Variants in UTY observed in about 807,000 individuals in gnomAD.
The protein encoded by UTY is histone demethylase UTY.
UTY carries 12 observed loss-of-function variants against 32.5 expected under a neutral mutation model. The ratio of observed to expected loss-of-function variants is 0.37; its 90% CI spans 0.24 to 0.60. UTY has a LOEUF of 0.60. UTY is among the 20% of genes least tolerant of loss of function. UTY has a pLI of 0.69. For synonymous variants in UTY, 131 were observed against 103.4 expected, an observed-to-expected ratio of 1.27 and a Z score of -1.62; for missense variants, 303 against 299.2, an observed-to-expected ratio of 1.01 and a Z score of -0.09.
chrY:13,331,256 G>A, intron 18 of UTY, among the ~76,000 whole-genome samples: 1 of 33,796 alleles, frequency 3.0e-5, no homozygotes, highest in East Asian at 7.8e-4. Context: ...CTGGGATCAA[G>A]CCAGTGCCCC....
intron 4 of UTY, among the ~76,000 whole-genome samples, chrY:13,445,244 A>AATAT (rs60043171): frequency 1.9e-3 from 10 of 5,232 alleles, no homozygotes; most frequent in South Asian, 5.6e-3. Flanking sequence ...TTTTTAAAAT[A>AATAT]ATATATATAT....
intron 28 of UTY, among the ~76,000 whole-genome samples, chrY:13,254,950 C>T (rs2054577206): frequency 3.0e-5 from 1 of 33,078 alleles, no homozygotes; most frequent in Non-Finnish European, 7.4e-5. Context: ...TACTGATAAA[C>T]GTCCTACCTG....
At chrY:13,363,153 C>T in intron 10 of UTY, among the ~76,000 whole-genome samples, 6 of 32,514 alleles carry the variant, frequency 1.8e-4, no homozygotes. Context: ...CCACCCGCCT[C>T]GGCCTCCCTA....
intron 27 of UTY, among the ~76,000 whole-genome samples, chrY:13,275,389 A>G (rs2056609545): frequency 3.0e-5 from 1 of 33,844 alleles, no homozygotes; most frequent in Non-Finnish European, 7.3e-5. Flanking sequence ...TCATCACCTT[A>G]TCAACAACTA....
intron 27 of UTY, among the ~76,000 whole-genome samples, chrY:13,263,936 C>A (rs1603267013): frequency 3.0e-5 from 1 of 33,435 alleles, no homozygotes; most frequent in Non-Finnish European, 7.4e-5. Flanking sequence ...CCTAACCCCC[C>A]ACTCCCGACA....
intron 17 of UTY, among the ~76,000 whole-genome samples, chrY:13,342,894 G>C (rs770260392): frequency 3.6e-4 from 12 of 33,723 alleles, no homozygotes; most frequent in Admixed American, 2.9e-3. Flanking sequence ...CGCTAGACAA[G>C]TGTGGAAGTT....
intron 27 of UTY, among the ~76,000 whole-genome samples, chrY:13,274,545 T>C (rs2056547312): frequency 3.1e-5 from 1 of 32,032 alleles, no homozygotes; most frequent in African/African-American, 1.2e-4. Flanking sequence ...TTTGGGAGGC[T>C]GAGGTGGGCA....
intron 21 of UTY, chrY:13,323,296 T>C: frequency 1.1e-5 from 1 of 91,941 alleles, no homozygotes; most frequent in South Asian, 6.8e-5. Flanking sequence ...TTCGGGAGGC[T>C]GAGGTGGGAG....
chrY:13,355,782 G>A, intron 16 of UTY, 141 bp downstream of exon 16: 1 of 261,282 alleles, frequency 3.8e-6, no homozygotes, highest in Non-Finnish European at 5.5e-6. Flanking sequence ...TAACACATAT[G>A]TAAAACTCAG....
chrY:13,417,827 G>T, intron 4 of UTY, among the ~76,000 whole-genome samples: 1 of 33,471 alleles, frequency 3.0e-5, no homozygotes, highest in Non-Finnish European at 7.4e-5. Context: ...TTAAATTTTA[G>T]ATTTTTGAGT....
intron 9 of UTY, among the ~76,000 whole-genome samples, chrY:13,367,250 T>G: frequency 6.0e-5 from 2 of 33,528 alleles, no homozygotes; most frequent in Non-Finnish European, 1.5e-4. Context: ...AAAGGCCTCA[T>G]ACATTACTGA....
At chrY:13,442,885 G>C (rs2075338244) in intron 4 of UTY, among the ~76,000 whole-genome samples, 1 of 33,265 alleles carries the variant, frequency 3.0e-5, no homozygotes, top group Non-Finnish European at 7.4e-5. Context: ...CCACAGGGAG[G>C]ACAGCAAAGG....
chrY:13,422,953 T>C (rs2072778252), intron 4 of UTY, among the ~76,000 whole-genome samples: 1 of 33,541 alleles, frequency 3.0e-5, no homozygotes, highest in Non-Finnish European at 7.4e-5. Flanking sequence ...AATATGCACA[T>C]AGAGAGCAGT....
intron 15 of UTY, among the ~76,000 whole-genome samples, chrY:13,356,370 C>T (rs2062923544): frequency 3.3e-5 from 1 of 30,601 alleles, no homozygotes; most frequent in African/African-American, 1.3e-4. Flanking sequence ...TTAGCCAGGA[C>T]GCTCTCGATC....
chrY:13,413,930 G>A (rs757329931), intron 5 of UTY, among the ~76,000 whole-genome samples: 1 of 34,650 alleles, frequency 2.9e-5, no homozygotes, highest in East Asian at 7.7e-4. Context: ...CCAGCCATCA[G>A]GAACCAAACT....
chrY:13,473,218 C>T (rs2078677197), intron 2 of UTY, among the ~76,000 whole-genome samples: 1 of 32,314 alleles, frequency 3.1e-5, no homozygotes, highest in South Asian at 7.1e-4. Flanking sequence ...GCAAGAGAAT[C>T]GCTTGAACTT....
chrY:13,269,852 T>C (rs2056176610), intron 27 of UTY, among the ~76,000 whole-genome samples: 3 of 33,972 alleles, frequency 8.8e-5, no homozygotes, highest in Non-Finnish European at 2.2e-4. Context: ...CCACTCTGCT[T>C]TGGCTCCGCC....
chrY:13,359,071 A>T lies in UTY; in HGVS notation c.1320+17T>A. On this transcript the variant is annotated intron_variant, in intron 13 of 29. Coordinates refer to ENST00000545955, the MANE Select transcript of UTY (RefSeq NM_001258249.2). ...CCTTAAAGCTGGGCACCTACAGAACATAACCCAACTTCTCACCTGCTGTGC... is the reference window on the plus strand; with the variant it reads ...CCTTAAAGCTGGGCACCTACAGAACTTAACCCAACTTCTCACCTGCTGTGC... The T allele has an allele frequency of 2.5e-6, 1 of 392,326 alleles. No individual in the cohort carries two copies. Among genetic ancestry groups the T allele is most frequent in the East Asian group, 9.3e-5 (1 of 10,698 alleles).
chrY:13,425,756 A>G (rs2073160402), intron 4 of UTY, among the ~76,000 whole-genome samples: 1 of 33,978 alleles, frequency 2.9e-5, no homozygotes. Context: ...ACTAGGAACC[A>G]CCTACCTACA....
Sources: gnomAD v4.1 joint callset for allele counts (sites outside exome capture counted in the v4.1 genomes callset) on GRCh38, gnomAD v4.1.1 for gene constraint, MANE v1.5 for transcripts, NCBI Gene and HGNC (gene_info 2026-07-23, HGNC 2026-07-21) for gene names.